INTS4: variants seen among roughly 807,000 people sequenced by gnomAD.
INTS4 encodes integrator complex subunit 4.
INTS4 carries 70 observed loss-of-function variants against 119.5 expected under a neutral mutation model. The ratio of observed to expected loss-of-function variants is 0.59; its 90% CI spans 0.48 to 0.71. INTS4 has a LOEUF of 0.71. Ranked by LOEUF, INTS4 falls within the 30% of genes least tolerant of loss-of-function variation. The probability of loss-of-function intolerance (pLI) is 0.00; values close to 1 mark genes in which losing one functional copy is unlikely to be tolerated. For missense variants in INTS4, 867 were observed against 1,173.2 expected (o/e 0.74, Z 3.81); for synonymous variants, 316 against 419.6 (o/e 0.75, Z 3.02).
intron 4 of INTS4, among the ~76,000 whole-genome samples, chr11:77,976,982 C>T (rs992619497): frequency 2.6e-5 from 4 of 151,928 alleles, no homozygotes; most frequent in Non-Finnish European, 4.4e-5. Context: ...TGTTAAATTA[C>T]GAGTTGATGG....
chr11:77,888,193 C>T (rs1192088162), intron 21 of INTS4, among the ~76,000 whole-genome samples: 1 of 152,184 alleles, frequency 6.6e-6, no homozygotes, highest in African/African-American at 2.4e-5. Context: ...CCTACAGTAA[C>T]CAGAACAGCA....
At chr11:77,893,846 C>A (rs538072048) in intron 19 of INTS4, among the ~76,000 whole-genome samples, 2 of 151,680 alleles carry the variant, frequency 1.3e-5, no homozygotes, top group Non-Finnish European at 2.9e-5. Flanking sequence ...TGAGCCAAGA[C>A]TGCACCACTG....
intron 10 of INTS4, among the ~76,000 whole-genome samples, chr11:77,934,969 G>C (rs1276484995): frequency 6.6e-6 from 1 of 152,114 alleles, no homozygotes; most frequent in Non-Finnish European, 1.5e-5. Context: ...TTAAGACCTC[G>C]CACAGGTCTC....
At position 77,981,555 on chromosome 11, in the gene INTS4, G is replaced by A. The variant is rs780643583; in HGVS notation, c.268C>T (p.Leu90=). Residue 90 remains leucine (L), a synonymous_variant, in exon 3 of 23, where the codon CTG becomes TTG. Transcript: ENST00000534064. ...AAACCCAACAATGATGCAATTTTCA[G>A]TCTCACAGATGGATCATTCTCCTGG... The part of the protein sequence containing the change: ...YYKENDPSVR[L]KIASLLGLLS... The A allele has an allele frequency of 6.3e-7, 1 of 1,581,848 alleles. No individual in the cohort carries two copies. The highest frequency in any genetic ancestry group is 2.3e-5 in the East Asian group (1 of 43,670).
At position 77,919,194 on chromosome 11, in the gene INTS4, C is replaced by T. The variant is rs1191308655; in HGVS notation, c.1765-216G>A. Among the ~76,000 whole-genome samples, 2 of 152,136 alleles carry T rather than the reference C, an allele frequency of 1.3e-5. 1 individual carries two copies. Among genetic ancestry groups the T allele is most frequent in the Admixed American group, 1.3e-4 (2 of 15,278 alleles). On this transcript the variant is annotated intron_variant, in intron 14 of 22. Transcript: ENST00000534064. ...TGCAAACATGGTCTACCCAATACAG[C>T]CACAGCTGCCAGGAGAAAAACAGAA...
intron 15 of INTS4, among the ~76,000 whole-genome samples, chr11:77,911,354 T>C (rs749467104): frequency 6.6e-5 from 10 of 152,202 alleles, no homozygotes; most frequent in Admixed American, 1.3e-4. Context: ...AGATGGTCTC[T>C]TCCTTTCGCT....
intron 14 of INTS4, among the ~76,000 whole-genome samples, chr11:77,920,394 T>C (rs1287600296): frequency 5.3e-5 from 8 of 151,022 alleles, no homozygotes; most frequent in African/African-American, 9.7e-5. Context: ...AATAGAGAGA[T>C]TGGAAGAGTA....
chr11:77,900,609 A>G (rs1159305049), intron 18 of INTS4: 4 of 700,194 alleles, frequency 5.7e-6, no homozygotes, highest in Non-Finnish European at 7.8e-6. Flanking sequence ...TGAGCTGGCA[A>G]TGAGTCACCT....
intron 4 of INTS4, among the ~76,000 whole-genome samples, chr11:77,961,445 GT>G (rs1954474577): frequency 6.6e-6 from 1 of 152,040 alleles, no homozygotes; most frequent in Admixed American, 6.5e-5. Context: ...CCCTGATTGC[GT>G]TTTATTTGCT....
At chr11:77,912,380 G>C (rs146992674) in intron 15 of INTS4, among the ~76,000 whole-genome samples, 1 of 150,050 alleles carries the variant, frequency 6.7e-6, no homozygotes, top group African/African-American at 2.5e-5. Context: ...AAAAAAAACA[G>C]CTGGATACAC....
Position 77,883,760 on chromosome 11 carries a change from A to C in INTS4, c.2713+72T>G, listed in dbSNP as rs1161098031. ...CCATGTATTTTTTTCAAACTTTAAA[A>C]ACCAAACGCTTAAGGGTAGGTGTGA... On this transcript the variant is annotated intron_variant, in intron 22 of 22. Transcript: ENST00000534064. 4.6e-6 allele frequency: 7 copies of C among 1,522,248 alleles called. No individual in the cohort carries two copies. In the East Asian group the frequency reaches 1.6e-4, roughly 35 times the overall value. 94.3% of individuals were successfully genotyped at this position (1,522,248 alleles called of 1,614,324 possible). A position where few individuals can be genotyped will look rare whatever the true frequency, so the allele number is the denominator to read the frequency against.
intron 12 of INTS4, chr11:77,922,679 G>A: frequency 2.7e-6 from 2 of 737,800 alleles, no homozygotes; most frequent in Non-Finnish European, 4.3e-6. Flanking sequence ...AAAGATAAAA[G>A]AACTGGTTAT....
At chr11:77,982,149 T>C (rs1856265487) in intron 2 of INTS4, among the ~76,000 whole-genome samples, 1 of 151,478 alleles carries the variant, frequency 6.6e-6, no homozygotes, top group Non-Finnish European at 1.5e-5. Flanking sequence ...TTTTTTTTTT[T>C]TTTTTTGAAA....
chr11:77,892,055 G>A (rs1952295682), intron 19 of INTS4, among the ~76,000 whole-genome samples: 1 of 152,158 alleles, frequency 6.6e-6, no homozygotes, highest in Non-Finnish European at 1.5e-5. Flanking sequence ...TTATGTGCCA[G>A]GCATACTCTT....
chr11:77,982,389 T>C (rs11237343), intron 2 of INTS4, among the ~76,000 whole-genome samples: 92,647 of 151,856 alleles, frequency 0.61, 28,767 homozygotes, highest in African/African-American at 0.71. Flanking sequence ...CCTCCTGCCT[T>C]GGCTTCCCAA....
downstream of INTS4, among the ~76,000 whole-genome samples, chr11:77,874,514 T>C (rs1009474715): frequency 3.9e-4 from 60 of 152,208 alleles, no homozygotes; most frequent in African/African-American, 1.4e-3. Flanking sequence ...CAGAAGTATC[T>C]GTCAGTGACA....
At chr11:77,975,987 T>TA (rs1490649335) in intron 4 of INTS4, among the ~76,000 whole-genome samples, 6 of 148,868 alleles carry the variant, frequency 4.0e-5, no homozygotes, top group African/African-American at 1.2e-4. Flanking sequence ...ACAAACGATT[T>TA]AAAAAAAACA....
At chr11:77,927,830 A>G (rs1953546324) in intron 11 of INTS4, among the ~76,000 whole-genome samples, 1 of 152,164 alleles carries the variant, frequency 6.6e-6, no homozygotes. Flanking sequence ...CTTCAACTCT[A>G]CACTATCATT....
chr11:77,991,079 C>T, intron 2 of INTS4, 29 bp downstream of exon 2: 1 of 1,574,332 alleles, frequency 6.4e-7, no homozygotes, highest in Non-Finnish European at 8.7e-7. Flanking sequence ...CCATGATATA[C>T]TCCCATCAGA....
Sources: allele counts gnomAD v4.1 joint callset (sites outside exome capture counted in the v4.1 genomes callset), GRCh38; gene constraint gnomAD v4.1.1; transcripts MANE v1.5; gene names NCBI Gene and HGNC (gene_info 2026-07-23, HGNC 2026-07-21).